Variants in CEP57L1 observed in about 807,000 individuals in gnomAD.
CEP57L1 encodes the protein centrosomal protein 57 like 1, also known as centrosomal protein CEP57L1.
Under a neutral mutation model 61.0 loss-of-function variants are expected in CEP57L1, and 37 were observed. The observed-to-expected ratio is 0.61, with a 90% CI of 0.47 to 0.80. The LOEUF (loss-of-function observed/expected upper bound fraction) is 0.80, where lower values mean the gene tolerates loss of function less well. Among genes scored for constraint, CEP57L1 ranks in the 30% least tolerant of loss-of-function variants. The pLI, the probability that CEP57L1 is intolerant of heterozygous loss-of-function variation, is 0.00. For missense variants in CEP57L1, 422 were observed against 524.7 expected, an observed-to-expected ratio of 0.80 and a Z score of 1.91; for synonymous variants, 137 against 162.3, an observed-to-expected ratio of 0.84 and a Z score of 1.19.
chr6:109,162,947 G>A lies in CEP57L1; in HGVS notation c.1360G>A (p.Asp454Asn), dbSNP rs747536600. The change falls in exon 11 of 11, where the codon GAT becomes AAT. Residue 454 changes from aspartate (D) to asparagine (N), a missense_variant. Physicochemically the swap from Asp to Asn is conservative, Grantham distance 23 (BLOSUM62 1). Coordinates refer to ENST00000517392, the MANE Select transcript of CEP57L1 (RefSeq NM_001271852.3). The stretch of plus-strand genomic sequence containing the variant: ...TAATCTTCAAATGAAATTGAGAAGA[G>A]ATGATATCATGTGGGAACAGTAACA... ...VHNLQMKLRR[D>N]DIMWEQ 1.2e-6 allele frequency: 2 copies of A among 1,611,526 alleles called. No individual in the cohort carries two copies. The highest frequency in any genetic ancestry group is 2.2e-5 in the South Asian group (2 of 90,984).
chr6:109,130,429 G>A (rs1182397259), intron 1 of CEP57L1, among the ~76,000 whole-genome samples: 3 of 152,100 alleles, frequency 2.0e-5, no homozygotes, highest in African/African-American at 7.2e-5. Flanking sequence ...TTTTAAGGCT[G>A]ATTAATATTC....
intron 2 of CEP57L1, among the ~76,000 whole-genome samples, chr6:109,145,852 A>T (rs1771902350): frequency 6.6e-6 from 1 of 151,990 alleles, no homozygotes; most frequent in Admixed American, 6.6e-5. Context: ...ATGTAGGAGG[A>T]TCTTAAAATT....
intron 1 of CEP57L1, among the ~76,000 whole-genome samples, chr6:109,100,671 TCA>T (rs1782273567): frequency 2.1e-5 from 1 of 47,386 alleles, no homozygotes. Flanking sequence ...TGAGATTGTC[TCA>T]AAAAAAAAAA....
intron 7 of CEP57L1, chr6:109,158,429 C>T (rs1044084160): frequency 6.5e-5 from 19 of 294,112 alleles, no homozygotes; most frequent in Admixed American, 1.9e-4. Flanking sequence ...ACGGAGGTTG[C>T]GGTGAGCCAA....
chr6:109,110,045 G>GTA, intron 1 of CEP57L1, among the ~76,000 whole-genome samples: 1 of 152,254 alleles, frequency 6.6e-6, no homozygotes, highest in South Asian at 2.1e-4. Context: ...AATCCTTTGG[G>GTA]TATATGCCCA....
At chr6:109,115,454 T>C (rs1025119319) in intron 1 of CEP57L1, among the ~76,000 whole-genome samples, 6 of 152,174 alleles carry the variant, frequency 3.9e-5, no homozygotes, top group African/African-American at 1.2e-4. Context: ...ATTTATACAA[T>C]GGAAAAATGT....
chr6:109,118,658 A>C (rs548225518), intron 1 of CEP57L1, among the ~76,000 whole-genome samples: 1 of 152,216 alleles, frequency 6.6e-6, no homozygotes, highest in Non-Finnish European at 1.5e-5. Flanking sequence ...TGAGCTCTCA[A>C]TACCAAGGAA....
chr6:109,172,170 A>G lies in CEP57L1; in HGVS notation c.*9200A>G, dbSNP rs1444125184. ...CCTTCACCTGTGAAGTCATGTAGAC[A>G]GACCATAATTCTCTCAGCAGACAGA... On this transcript the variant is annotated 3_prime_UTR_variant, in exon 11 of 11. Transcript: ENST00000517392. Among the ~76,000 whole-genome samples the G allele has an allele frequency of 2.6e-5, 3 of 117,076 alleles. No homozygotes were observed. The highest frequency in any genetic ancestry group is 1.1e-4 in the African/African-American group (3 of 28,338). The allele number at this position is 117,076 out of a possible 152,430, so 76.8% of individuals were successfully genotyped here.
chr6:109,133,411 C>T (rs903280687), intron 1 of CEP57L1, among the ~76,000 whole-genome samples: 5 of 152,134 alleles, frequency 3.3e-5, no homozygotes, highest in African/African-American at 1.2e-4. Flanking sequence ...TGACAGGAAG[C>T]GGAGCTCAGG....
intron 3 of CEP57L1, among the ~76,000 whole-genome samples, chr6:109,148,080 G>A (rs567816691): frequency 2.6e-5 from 4 of 152,048 alleles, no homozygotes; most frequent in Non-Finnish European, 5.9e-5. Context: ...TGATAATCAG[G>A]TAATTGACTG....
chr6:109,100,536 G>A (rs961535904), intron 1 of CEP57L1, among the ~76,000 whole-genome samples: 1 of 151,540 alleles, frequency 6.6e-6, no homozygotes, highest in African/African-American at 2.4e-5. Flanking sequence ...TTAGCCAGGC[G>A]TGGTGGTGGG....
At chr6:109,145,988 T>G (rs1253498891) in intron 2 of CEP57L1, among the ~76,000 whole-genome samples, 1 of 151,850 alleles carries the variant, frequency 6.6e-6, no homozygotes, top group African/African-American at 2.4e-5. Flanking sequence ...ATAAACTAGT[T>G]TTGTGGAATA....
chr6:109,138,784 A>G (rs187582786), intron 1 of CEP57L1, among the ~76,000 whole-genome samples: 81 of 152,336 alleles, frequency 5.3e-4, no homozygotes, highest in Middle Eastern at 3.4e-3. Flanking sequence ...ACTGCATACA[A>G]TAGTCCCCCC....
At position 109,162,960 on chromosome 6, in the gene CEP57L1, G is replaced by A. The variant is rs777163456; in HGVS notation, c.1373G>A (p.Trp458Ter). 1.3e-5 allele frequency: 21 copies of A among 1,608,090 alleles called. No homozygotes were observed. In the East Asian group the frequency reaches 4.5e-4, roughly 34 times the overall value. The change falls in exon 11 of 11, where the codon TGG (tryptophan) becomes TAG (stop). Residue 458 changes from tryptophan (W) to a stop codon, truncating the protein, a stop_gained. Coordinates refer to ENST00000517392, the MANE Select transcript of CEP57L1 (RefSeq NM_001271852.3). LOFTEE classifies it high-confidence loss of function. ...QMKLRRDDIM[W>*]EQ is the part of the protein sequence containing the mutation. ...AAATTGAGAAGAGATGATATCATGT[G>A]GGAACAGTAACAAAACAGCAAAACT...
rs751996972 is a variant in CEP57L1 at position 109,159,509 on chromosome 6, A to G, written c.1016+47A>G. 1.1e-4 allele frequency: 171 copies of G among 1,556,778 alleles called. 1 individual carries two copies. Among genetic ancestry groups the G allele is most frequent in the Non-Finnish European group, 1.4e-4 (156 of 1,142,252 alleles). On this transcript the variant is annotated intron_variant, in intron 9 of 10. Transcript: ENST00000517392. ...TTTTTTCAAGAGACAGTGTCTCGCTATGTTGCCCAGGCTAGTCTTGAACTC... is the reference window on the plus strand; with the variant it reads ...TTTTTTCAAGAGACAGTGTCTCGCTGTGTTGCCCAGGCTAGTCTTGAACTC...
chr6:109,100,869 G>A (rs1292351767), intron 1 of CEP57L1, among the ~76,000 whole-genome samples: 1 of 152,112 alleles, frequency 6.6e-6, no homozygotes, highest in Non-Finnish European at 1.5e-5. Flanking sequence ...CACTTTGGGA[G>A]GCTGAGGCAG....
intron 3 of CEP57L1, among the ~76,000 whole-genome samples, chr6:109,147,929 G>A (rs1772142922): frequency 6.6e-6 from 1 of 152,080 alleles, no homozygotes; most frequent in Non-Finnish European, 1.5e-5. Context: ...AACCAGTTCT[G>A]TGTAATTAAT....
At chr6:109,136,374 T>C (rs546799667) in intron 1 of CEP57L1, among the ~76,000 whole-genome samples, 76 of 152,110 alleles carry the variant, frequency 5.0e-4, no homozygotes, top group African/African-American at 1.7e-3. Flanking sequence ...ATGAGAACAC[T>C]TGGACACAGG....
intron 1 of CEP57L1, among the ~76,000 whole-genome samples, chr6:109,134,362 G>C (rs1774562893): frequency 6.6e-6 from 1 of 152,092 alleles, no homozygotes; most frequent in Non-Finnish European, 1.5e-5. Context: ...AAATTCAACA[G>C]CCCTTCATGC....
Sources: allele counts gnomAD v4.1 joint callset (sites outside exome capture counted in the v4.1 genomes callset), GRCh38; gene constraint gnomAD v4.1.1; transcripts MANE v1.5; gene names NCBI Gene and HGNC (gene_info 2026-07-23, HGNC 2026-07-21).